Variants in PHACTR1 observed in about 807,000 individuals in gnomAD.
PHACTR1 encodes the protein RPEL repeat containing 1.
PHACTR1 carries 16 observed loss-of-function variants against 69.2 expected under a neutral mutation model. The observed-to-expected ratio is 0.23, with a 90% confidence interval of 0.16 to 0.35. The LOEUF (loss-of-function observed/expected upper bound fraction) is 0.35. PHACTR1 is among the 10% of genes least tolerant of loss of function. PHACTR1 has a pLI of 1.00. For missense variants in PHACTR1, 510 were observed against 734.7 expected, an observed-to-expected ratio of 0.69 and a Z score of 3.54; for synonymous variants, 312 against 284.5, an observed-to-expected ratio of 1.10 and a Z score of -0.97.
chr6:12,737,395 T>TTA (rs1406221224), intron 3 of PHACTR1, among the ~76,000 whole-genome samples: 2 of 94,646 alleles, frequency 2.1e-5, no homozygotes, highest in African/African-American at 4.7e-5. Context: ...AGATATTGTT[T>TTA]TATACACACA....
chr6:13,008,931 C>T lies in PHACTR1; in HGVS notation c.251-44434C>T, dbSNP rs568779769. Among the ~76,000 whole-genome samples, 4 of 152,302 alleles carry T rather than the reference C, an allele frequency of 2.6e-5. No individual in the cohort carries two copies. The East Asian group carries it at 7.7e-4, about 29-fold the overall frequency. ...TTAAAACAACAGATATTTATTCTCT[C>T]ACTCAGTTCTGGAGACCAGAAGTTC... On this transcript the variant is annotated intron_variant, in intron 4 of 14. Coordinates refer to ENST00000332995, the MANE Select transcript of PHACTR1 (RefSeq NM_030948.6).
chr6:12,813,993 C>T (rs923489549), intron 4 of PHACTR1, among the ~76,000 whole-genome samples: 6 of 152,216 alleles, frequency 3.9e-5, no homozygotes, highest in Non-Finnish European at 5.9e-5. Flanking sequence ...AGTGGATGCC[C>T]AGTTCTGAGC....
intron 5 of PHACTR1, among the ~76,000 whole-genome samples, chr6:13,120,071 C>T (rs1375190739): frequency 6.6e-6 from 1 of 152,190 alleles, no homozygotes; most frequent in Non-Finnish European, 1.5e-5. Flanking sequence ...AATACCTCTC[C>T]TGGTGCCTCC....
intron 4 of PHACTR1, among the ~76,000 whole-genome samples, chr6:12,974,081 C>T (rs1419557789): frequency 6.6e-6 from 1 of 151,912 alleles, no homozygotes; most frequent in East Asian, 1.9e-4. Context: ...GCCACCACGC[C>T]CGGCTAATTT....
Position 13,053,535 on chromosome 6 carries a change from A to C in PHACTR1, c.415+6A>C. The C allele has an allele frequency of 3.7e-6, 6 of 1,612,156 alleles. No individual in the cohort carries two copies. Among genetic ancestry groups the C allele is most frequent in the Non-Finnish European group, 5.1e-6 (6 of 1,178,994 alleles). The stretch of plus-strand genomic sequence containing the variant: ...GTTCAAACACACGTCAGCAGGTAAG[A>C]TGATTTGTTCTTTCATTTCCCATTT... On this transcript the variant is annotated splice_donor_region_variant and intron_variant, in intron 5 of 14. Transcript: ENST00000332995.
intron 6 of PHACTR1, among the ~76,000 whole-genome samples, chr6:13,170,882 A>C (rs1166371846): frequency 6.6e-6 from 1 of 152,176 alleles, no homozygotes; most frequent in Non-Finnish European, 1.5e-5. Context: ...GCTTGATTGA[A>C]GGCAGTCTGT....
chr6:12,865,230 A>G (rs1409256906), intron 4 of PHACTR1, among the ~76,000 whole-genome samples: 1 of 152,194 alleles, frequency 6.6e-6, no homozygotes, highest in Non-Finnish European at 1.5e-5. Context: ...AGGACTAGGC[A>G]GAGGGAGGAA....
chr6:12,929,693 C>A (rs930682973), intron 4 of PHACTR1, among the ~76,000 whole-genome samples: 1 of 152,298 alleles, frequency 6.6e-6, no homozygotes, highest in East Asian at 1.9e-4. Flanking sequence ...TTATTCACAG[C>A]CAAAGCCTGG....
chr6:12,828,945 AAAATCT>A (rs1168124686), intron 4 of PHACTR1, among the ~76,000 whole-genome samples: 1 of 152,180 alleles, frequency 6.6e-6, no homozygotes, highest in African/African-American at 2.4e-5. Context: ...TATATGTTCA[AAAATCT>A]AGAAGAGAGG....
intron 5 of PHACTR1, among the ~76,000 whole-genome samples, chr6:13,154,754 G>A (rs936450947): frequency 1.3e-5 from 2 of 149,678 alleles, no homozygotes; most frequent in African/African-American, 4.9e-5. Flanking sequence ...CCGTCGGGCT[G>A]GTACATGACA....
intron 11 of PHACTR1, chr6:13,273,965 G>T (rs188055162): frequency 4.6e-4 from 60 of 129,252 alleles, no homozygotes; most frequent in African/African-American, 1.8e-3. Flanking sequence ...TGAGTTTGCC[G>T]GGAATTTCCA....
chr6:12,898,423 C>CA (rs1784891468), intron 4 of PHACTR1, among the ~76,000 whole-genome samples: 2 of 152,300 alleles, frequency 1.3e-5, no homozygotes, highest in South Asian at 4.1e-4. Context: ...ACTCAGCCTC[C>CA]ACTCGCCCTC....
At chr6:13,242,035 CAAAAA>C (rs747990237) in intron 10 of PHACTR1, among the ~76,000 whole-genome samples, 3 of 58,606 alleles carry the variant, frequency 5.1e-5, no homozygotes, top group African/African-American at 1.0e-4. Context: ...GATTCTGTCT[CAAAAA>C]AAAAAAAAAA....
At chr6:13,228,518 T>C (rs4715174) in intron 9 of PHACTR1, among the ~76,000 whole-genome samples, 1 of 152,162 alleles carries the variant, frequency 6.6e-6, no homozygotes, top group Non-Finnish European at 1.5e-5. Flanking sequence ...GACCTTTAAA[T>C]GTGCTAAGAG....
chr6:13,114,994 TA>T lies in PHACTR1; in HGVS notation c.416-45202del, dbSNP rs374009885. ...TATAAGAAAACAGCCTTAGGGAGGT[TA>T]AAAAAAATTATGTAAGGTCACTTAG... On this transcript the variant is annotated intron_variant, in intron 5 of 14. Coordinates refer to ENST00000332995, the MANE Select transcript of PHACTR1 (RefSeq NM_030948.6). Among the ~76,000 whole-genome samples the T allele has an allele frequency of 3.5e-3, 533 of 152,044 alleles. 3 individuals carry two copies. Among genetic ancestry groups the T allele is most frequent in the African/African-American group, 0.012 (478 of 41,524 alleles).
At chr6:12,789,670 A>G (rs935544702) in intron 4 of PHACTR1, among the ~76,000 whole-genome samples, 1 of 152,098 alleles carries the variant, frequency 6.6e-6, no homozygotes, top group Non-Finnish European at 1.5e-5. Context: ...TTCCCATCCC[A>G]GTCGATGGCT....
intron 5 of PHACTR1, among the ~76,000 whole-genome samples, chr6:13,139,213 G>A (rs1025739622): frequency 1.3e-5 from 2 of 151,176 alleles, no homozygotes; most frequent in Admixed American, 6.6e-5. Flanking sequence ...TTCTACAACA[G>A]GGGTTAACAA....
At chr6:12,994,614 C>A (rs1797208088) in intron 4 of PHACTR1, among the ~76,000 whole-genome samples, 1 of 151,772 alleles carries the variant, frequency 6.6e-6, no homozygotes, top group Non-Finnish European at 1.5e-5. Context: ...GAATATTTTA[C>A]AAAATATGAT....
At chr6:13,197,082 G>T (rs16873767) in intron 7 of PHACTR1, among the ~76,000 whole-genome samples, 1 of 152,184 alleles carries the variant, frequency 6.6e-6, no homozygotes, top group African/African-American at 2.4e-5. Context: ...TACAAAGCAC[G>T]TTCACGTGAT....
Sources: allele counts gnomAD v4.1 joint callset (sites outside exome capture counted in the v4.1 genomes callset), GRCh38; gene constraint gnomAD v4.1.1; transcripts MANE v1.5; gene names NCBI Gene and HGNC (gene_info 2026-07-23, HGNC 2026-07-21).